Variants in CNTNAP5 observed in about 807,000 individuals in gnomAD.
CNTNAP5 encodes the protein contactin-associated protein-like 5.
A neutral mutation model predicts 150.2 loss-of-function variants in CNTNAP5; 72 were observed. The ratio of observed to expected loss-of-function variants is 0.48; its 90% CI spans 0.40 to 0.58. The LOEUF (loss-of-function observed/expected upper bound fraction) is 0.58, where lower values mean the gene tolerates loss of function less well. Ranked by LOEUF, CNTNAP5 falls within the 20% of genes least tolerant of loss-of-function variation. The pLI, the probability that CNTNAP5 is intolerant of heterozygous loss-of-function variation, is 0.00. For missense variants in CNTNAP5, 1,636 were observed against 1,626.2 expected (o/e 1.01, Z -0.10); for synonymous variants, 672 against 619.8 (o/e 1.08, Z -1.25).
At chr2:124,418,862 C>A (rs1457253533) in intron 4 of CNTNAP5, among the ~76,000 whole-genome samples, 1 of 152,058 alleles carries the variant, frequency 6.6e-6, no homozygotes. Flanking sequence ...GGGCCGGGCG[C>A]GGTGGCTCAC....
chr2:124,865,289 A>C lies in CNTNAP5; in HGVS notation c.3218-17A>C. On this transcript the variant is annotated splice_polypyrimidine_tract_variant and intron_variant, in intron 19 of 23. Coordinates refer to ENST00000682447, the MANE Select transcript of CNTNAP5 (RefSeq NM_001367498.1). ...GGTGCTGCTTTATATTCTAATTTCTAATATTTTTCTTTCAAGGAAGCTTAC... is the reference window on the plus strand; with the variant it reads ...GGTGCTGCTTTATATTCTAATTTCTCATATTTTTCTTTCAAGGAAGCTTAC... The C allele has an allele frequency of 6.5e-7, 1 of 1,546,150 alleles. No homozygotes were observed. The highest frequency in any genetic ancestry group is 8.8e-7 in the Non-Finnish European group (1 of 1,142,476).
intron 2 of CNTNAP5, among the ~76,000 whole-genome samples, chr2:124,225,606 T>G (rs1018628552): frequency 1.3e-5 from 2 of 152,192 alleles, no homozygotes; most frequent in Non-Finnish European, 2.9e-5. Flanking sequence ...CATCACCTCA[T>G]GTAGTTATCC....
intron 1 of CNTNAP5, among the ~76,000 whole-genome samples, chr2:124,077,458 G>A (rs1416888915): frequency 6.6e-6 from 1 of 152,140 alleles, no homozygotes; most frequent in African/African-American, 2.4e-5. Context: ...ATTATTGGGA[G>A]TCCTCACTTA....
chr2:124,210,498 C>G (rs945507022), intron 1 of CNTNAP5, among the ~76,000 whole-genome samples: 1 of 152,104 alleles, frequency 6.6e-6, no homozygotes, highest in Non-Finnish European at 1.5e-5. Context: ...TCTAAAGTTA[C>G]ATAACTCTGT....
chr2:124,226,980 A>T (rs1173383674), intron 2 of CNTNAP5, among the ~76,000 whole-genome samples: 1 of 152,116 alleles, frequency 6.6e-6, no homozygotes, highest in Non-Finnish European at 1.5e-5. Flanking sequence ...TCTATTCATG[A>T]GGTCAGAATA....
chr2:124,775,625 C>T (rs980511049), intron 17 of CNTNAP5, among the ~76,000 whole-genome samples: 1 of 152,100 alleles, frequency 6.6e-6, no homozygotes, highest in African/African-American at 2.4e-5. Flanking sequence ...TGGAATGTGA[C>T]AGGTTGAAGT....
chr2:124,446,299 T>C (rs887337042), intron 5 of CNTNAP5, among the ~76,000 whole-genome samples: 1 of 152,134 alleles, frequency 6.6e-6, no homozygotes, highest in Non-Finnish European at 1.5e-5. Context: ...GGATGATTAT[T>C]TCCTTGCCAC....
At chr2:124,349,501 A>T (rs1257122203) in intron 3 of CNTNAP5, among the ~76,000 whole-genome samples, 1 of 152,132 alleles carries the variant, frequency 6.6e-6, no homozygotes, top group African/African-American at 2.4e-5. Flanking sequence ...TGATGTTCAC[A>T]TCCCTCATGT....
chr2:124,177,412 G>T (rs990502259), intron 1 of CNTNAP5, among the ~76,000 whole-genome samples: 3 of 151,900 alleles, frequency 2.0e-5, no homozygotes, highest in Admixed American at 6.6e-5. Context: ...ACAACTTCTG[G>T]GTTCTCTATC....
chr2:124,796,618 G>A (rs770378927), intron 18 of CNTNAP5, among the ~76,000 whole-genome samples: 1 of 152,042 alleles, frequency 6.6e-6, no homozygotes, highest in African/African-American at 2.4e-5. Context: ...TAATTTTTTG[G>A]CACTATTACA....
At chr2:124,911,445 C>T in intron 22 of CNTNAP5, 22 bp from the exon 23 acceptor site, 1 of 1,563,212 alleles carries the variant, frequency 6.4e-7, no homozygotes, top group Middle Eastern at 1.7e-4. Flanking sequence ...AAGTAAAGTC[C>T]CATGTCTTTT....
intron 19 of CNTNAP5, among the ~76,000 whole-genome samples, chr2:124,828,807 A>G (rs973499010): frequency 6.7e-6 from 1 of 148,404 alleles, no homozygotes; most frequent in African/African-American, 2.5e-5. Flanking sequence ...AGTTTTGTTC[A>G]AAAGTCTTAC....
intron 21 of CNTNAP5, among the ~76,000 whole-genome samples, chr2:124,886,283 G>A (rs1324846779): frequency 6.6e-6 from 1 of 152,036 alleles, no homozygotes; most frequent in Admixed American, 6.6e-5. Context: ...TGTGGTTCAA[G>A]GAGATTTTGT....
chr2:124,903,222 G>T, intron 22 of CNTNAP5, 122 bp downstream of exon 22: 1 of 561,212 alleles, frequency 1.8e-6, no homozygotes. Context: ...ATAATAACAG[G>T]TGGCTAAAAA....
intron 8 of CNTNAP5, among the ~76,000 whole-genome samples, chr2:124,516,177 A>T (rs903197382): frequency 6.6e-6 from 1 of 152,200 alleles, no homozygotes; most frequent in Non-Finnish European, 1.5e-5. Context: ...AGGAAAACAT[A>T]ACTCAGGCTC....
chr2:124,489,026 G>T (rs192109150), intron 7 of CNTNAP5, among the ~76,000 whole-genome samples: 1 of 152,266 alleles, frequency 6.6e-6, no homozygotes, highest in Non-Finnish European at 1.5e-5. Context: ...CCAGTCAATT[G>T]GGCCACTACG....
intron 6 of CNTNAP5, among the ~76,000 whole-genome samples, chr2:124,455,956 T>C (rs1693108647): frequency 6.6e-6 from 1 of 152,142 alleles, no homozygotes; most frequent in South Asian, 2.1e-4. Context: ...ACATGCAACG[T>C]AATACTGAGT....
chr2:124,841,725 A>G (rs190674261), intron 19 of CNTNAP5, among the ~76,000 whole-genome samples: 1 of 152,108 alleles, frequency 6.6e-6, no homozygotes, highest in East Asian at 1.9e-4. Flanking sequence ...TCCCTGGTAC[A>G]TGACAGGTGT....
chr2:124,502,450 G>T (rs1694299557), intron 7 of CNTNAP5, among the ~76,000 whole-genome samples: 1 of 152,166 alleles, frequency 6.6e-6, no homozygotes, highest in Non-Finnish European at 1.5e-5. Flanking sequence ...CTGGAAAGGG[G>T]ATACTTTTGC....
Sources: gnomAD v4.1 joint callset for allele counts (sites outside exome capture counted in the v4.1 genomes callset) on GRCh38, gnomAD v4.1.1 for gene constraint, MANE v1.5 for transcripts, NCBI Gene and HGNC (gene_info 2026-07-23, HGNC 2026-07-21) for gene names.